Variants in SCLY observed in about 807,000 individuals in gnomAD.
The protein encoded by SCLY is putative selenocysteine lyase.
SCLY carries 38 observed loss-of-function variants against 50.1 expected under a neutral mutation model. The observed-to-expected ratio is 0.76, with a 90% CI of 0.59 to 0.99. The LOEUF (loss-of-function observed/expected upper bound fraction) is 0.99. Ranked by LOEUF, SCLY falls within the 50% of genes least tolerant of loss-of-function variation. The probability of loss-of-function intolerance (pLI) is 0.00; values close to 1 mark genes in which losing one functional copy is unlikely to be tolerated. For missense variants in SCLY, 600 were observed against 620.0 expected (o/e 0.97, Z 0.34); for synonymous variants, 243 against 249.4 (o/e 0.97, Z 0.24).
chr2:238,081,494 G>C (rs2249173), intron 4 of SCLY: 457,481 of 540,994 alleles, frequency 0.85, 194,440 homozygotes, highest in East Asian at 0.98. Flanking sequence ...CAGATTCACT[G>C]ACTGCAGCCG....
chr2:238,087,056 G>A (rs2065305788), intron 7 of SCLY, among the ~76,000 whole-genome samples: 1 of 151,726 alleles, frequency 6.6e-6, no homozygotes. Context: ...TGGGCGTGGT[G>A]GCTCACATTT....
At chr2:238,062,838 G>A (rs73098309) in intron 1 of SCLY, among the ~76,000 whole-genome samples, 5,925 of 152,324 alleles carry the variant, frequency 0.039, 378 homozygotes, top group African/African-American at 0.14. Flanking sequence ...TGTAAGCACT[G>A]TTTATTTAAA....
In SCLY at chr2:238,069,599, G is replaced by A. The variant is rs2065108413; in HGVS notation, c.484+122G>A. 1.1e-6 allele frequency: 1 copy of A among 905,140 alleles called. No homozygotes were observed. Among genetic ancestry groups the A allele is most frequent in the East Asian group, 2.9e-5 (1 of 34,600 alleles). The allele number at this position is 905,140 out of a possible 1,614,324, so 56.1% of individuals were successfully genotyped here. A position where few individuals can be genotyped will look rare whatever the true frequency, so the allele number is the denominator to read the frequency against. Reference sequence around the variant, plus strand: ...ATGTAGATTCAGTGTGCCACTCACTGTAACTCACTGGTTCTGATGAGGAGG... The same window carrying A: ...ATGTAGATTCAGTGTGCCACTCACTATAACTCACTGGTTCTGATGAGGAGG... On this transcript the variant is annotated intron_variant, in intron 4 of 11. Transcript: ENST00000254663. This position sits in a 1 kb window ranked among gnomAD's most constrained non-coding sequence, Gnocchi z 5.0.
rs776678006 is a variant in SCLY, at chr2:238,081,759, G to A, written c.535G>A (p.Asp179Asn). The A allele has an allele frequency of 2.3e-4, 367 of 1,614,086 alleles. No individual in the cohort carries two copies. Among genetic ancestry groups the A allele is most frequent in the Non-Finnish European group, 2.8e-4 (336 of 1,180,048 alleles). ...GGTGAGCGGGCAGGCAGAGGTGGAC[G>A]ACATCCTCGCGGCAGTCCGCCCGAC... ...SKVSGQAEVDDILAAVRPTTR... is the reference protein window; with the variant it reads ...SKVSGQAEVDNILAAVRPTTR... The change falls in exon 5 of 12, where the codon GAC becomes AAC. Residue 179 changes from aspartate (D) to asparagine (N), a missense_variant. Coordinates refer to ENST00000254663, the MANE Select transcript of SCLY (RefSeq NM_016510.7).
intron 4 of SCLY, among the ~76,000 whole-genome samples, chr2:238,070,189 G>A (rs75338953): frequency 0.026 from 3,917 of 152,308 alleles, 168 homozygotes; most frequent in African/African-American, 0.09. Flanking sequence ...TTCACCAGGT[G>A]TAGATCATTA....
At chr2:238,072,203 A>G (rs898125768) in intron 4 of SCLY, among the ~76,000 whole-genome samples, 2 of 152,138 alleles carry the variant, frequency 1.3e-5, no homozygotes, top group Non-Finnish European at 2.9e-5. Context: ...AGGTTCACTC[A>G]TGTTGTAACA....
At chr2:238,097,997 C>A (rs375927159) in intron 11 of SCLY, among the ~76,000 whole-genome samples, 1 of 152,088 alleles carries the variant, frequency 6.6e-6, no homozygotes, top group African/African-American at 2.4e-5. Context: ...GCAGGGAGAA[C>A]GGGGGCGACT....
Position 238,094,419 on chromosome 2 carries a change from G to A in SCLY, c.1006-1G>A. 6.2e-7 allele frequency: 1 copy of A among 1,610,796 alleles called. No homozygotes were observed. The highest frequency in any genetic ancestry group is 8.5e-7 in the Non-Finnish European group (1 of 1,178,604). On this transcript the variant is annotated splice_acceptor_variant, in intron 9 of 11. Transcript: ENST00000254663. LOFTEE classifies it high-confidence loss of function. The stretch of plus-strand genomic sequence containing the variant: ...CCAAATATTTCACTTATTTTTTTCA[G>A]GCTGAATTCGGTCAGAAGAGAATCC...
Position 238,098,720 on chromosome 2 carries a change from A to G in SCLY, c.*365A>G. On this transcript the variant is annotated 3_prime_UTR_variant, in exon 12 of 12. Transcript: ENST00000254663. ...AGCTTTATCCACCCTCCCCACTGGG[A>G]ACTGGGCACGCCTGTTGTGAGTGCC... is the stretch of plus-strand genomic sequence containing the variant. 1 of 409,220 alleles carries G rather than the reference A, an allele frequency of 2.4e-6. No individual in the cohort carries two copies. Among genetic ancestry groups the G allele is most frequent in the East Asian group, 3.5e-5 (1 of 28,242 alleles). The allele number at this position is 409,220 out of a possible 1,614,324, so 25.3% of individuals were successfully genotyped here.
chr2:238,098,635 G>GACCGCCCACATAGA lies in SCLY; in HGVS notation c.*291_*292insAGAACCGCCCACAT, dbSNP rs1559254804. On this transcript the variant is annotated 3_prime_UTR_variant, in exon 12 of 12. Transcript: ENST00000254663. ...CGCCCACATGGGACCGCCCACATGG[G>GACCGCCCACATAGA]ACCGCCCACATGGGACCGCCCACAT... 261 of 276,884 alleles carry GACCGCCCACATAGA rather than the reference G, an allele frequency of 9.4e-4. 6 individuals carry two copies. The highest frequency in any genetic ancestry group is 7.0e-3 in the African/African-American group (164 of 23,310). 17.2% of individuals were successfully genotyped at this position (276,884 alleles called of 1,614,324 possible).
chr2:238,068,410 G>C (rs528397824), intron 3 of SCLY, among the ~76,000 whole-genome samples: 11 of 152,056 alleles, frequency 7.2e-5, no homozygotes, highest in African/African-American at 2.7e-4. Context: ...TTAGCTGGGC[G>C]TGGTGGTGTA....
rs1273073585 is a variant in SCLY, at chr2:238,083,791, C to CACCA, written c.884+438_884+441dup. Among the ~76,000 whole-genome samples the CACCA allele has an allele frequency of 1.3e-5, 2 of 152,102 alleles. No individual in the cohort carries two copies. Among genetic ancestry groups the CACCA allele is most frequent in the Non-Finnish European group, 2.9e-5 (2 of 68,042 alleles). Reference sequence around the variant, plus strand: ...TAACTGGGAAATTAGTTGTTGCCCCCACCACACCTTTTGTTAGAAACTACT... The same window carrying CACCA: ...TAACTGGGAAATTAGTTGTTGCCCCCACCAACCACACCTTTTGTTAGAAACTACT... On this transcript the variant is annotated intron_variant, in intron 7 of 11. Transcript: ENST00000254663. The surrounding 1 kb of genome is among the most constrained non-coding windows in gnomAD (Gnocchi z 4.3).
chr2:238,098,646 TGGGACCGC>T lies in SCLY; in HGVS notation c.*292_*299del. 1 of 428,292 alleles carries T rather than the reference TGGGACCGC, an allele frequency of 2.3e-6. No homozygotes were observed. The highest frequency in any genetic ancestry group is 4.2e-6 in the Non-Finnish European group (1 of 237,860). The allele number at this position is 428,292 out of a possible 1,614,324, so 26.5% of individuals were successfully genotyped here. A position where few individuals can be genotyped will look rare whatever the true frequency, so the allele number is the denominator to read the frequency against. ...GACCGCCCACATGGGACCGCCCACA[TGGGACCGC>T]CCACATAGAACCGTCCTCCAGTGGT... On this transcript the variant is annotated 3_prime_UTR_variant, in exon 12 of 12. Coordinates refer to ENST00000254663, the MANE Select transcript of SCLY (RefSeq NM_016510.7).
chr2:238,070,709 TCTTA>T (rs1238743460), intron 4 of SCLY, among the ~76,000 whole-genome samples: 1 of 152,186 alleles, frequency 6.6e-6, no homozygotes, highest in Non-Finnish European at 1.5e-5. Context: ...CTGTTTGTGG[TCTTA>T]CTTGAATGCT....
intron 10 of SCLY, chr2:238,096,071 CTAATTTT>C (rs2065431023): frequency 1.3e-5 from 2 of 153,240 alleles, no homozygotes. Context: ...CCACGCTGGG[CTAATTTT>C]TGTATTTTAA....
chr2:238,091,533 TCAAG>T, intron 8 of SCLY: 1 of 400,354 alleles, frequency 2.5e-6, no homozygotes, highest in Non-Finnish European at 4.6e-6. Context: ...AGGTGAAGTG[TCAAG>T]CTGCAGGTTC....
chr2:238,098,457 C>T lies in SCLY; in HGVS notation c.*102C>T, dbSNP rs995233778. The T allele has an allele frequency of 5.4e-5, 70 of 1,292,760 alleles. No homozygotes were observed. The African/African-American group carries it at 9.2e-4, about 17-fold the overall frequency. 80.1% of individuals were successfully genotyped at this position (1,292,760 alleles called of 1,614,324 possible). A position where few individuals can be genotyped will look rare whatever the true frequency, so the allele number is the denominator to read the frequency against. On this transcript the variant is annotated 3_prime_UTR_variant, in exon 12 of 12. Coordinates refer to ENST00000254663, the MANE Select transcript of SCLY (RefSeq NM_016510.7). The stretch of plus-strand genomic sequence containing the variant: ...GAGGGCTGTGCCAGGATGACTGTCT[C>T]ATGCCCCCTCTGCATTTTGTCCTGG...
chr2:238,091,287 A>G (rs1559250869), intron 8 of SCLY, 33 bp downstream of exon 8: 3 of 1,596,212 alleles, frequency 1.9e-6, no homozygotes, highest in Non-Finnish European at 8.6e-7. Flanking sequence ...AGATGAGTTG[A>G]TTGCTTTGTC....
At position 238,082,177 on chromosome 2, in the gene SCLY, G is replaced by A; in HGVS notation, c.745G>A (p.Gly249Ser). ...GCAGCGCGTGGATGTGGAGGACCTG[G>A]GCGTGGACTTCCTTACAATCGTGGG... ...GKQRVDVEDL[G>S]VDFLTIVGHK... The change falls in exon 6 of 12, where the codon GGC becomes AGC. Residue 249 changes from glycine (G) to serine (S), a missense_variant. By Grantham distance (56) the Gly-to-Ser change is moderately conservative. Transcript: ENST00000254663. 6.2e-7 allele frequency: 1 copy of A among 1,611,238 alleles called. No individual in the cohort carries two copies. Among genetic ancestry groups the A allele is most frequent in the South Asian group, 1.1e-5 (1 of 90,960 alleles).
Sources: allele counts gnomAD v4.1 joint callset (sites outside exome capture counted in the v4.1 genomes callset), GRCh38; gene constraint gnomAD v4.1.1; non-coding constraint Gnocchi (gnomAD v3.1); transcripts MANE v1.5; gene names NCBI Gene and HGNC (gene_info 2026-07-23, HGNC 2026-07-21).